The following TSN variants were observed in gnomAD, a reference collection of about 807,000 sequenced individuals.
TSN encodes the protein component 3 of promoter of RISC.
In TSN, 5 loss-of-function variants were observed where a neutral mutation model predicts 29.4. That is an observed-to-expected ratio of 0.17 (90% CI 0.09 to 0.36). TSN has a LOEUF of 0.36. Ranked by LOEUF, TSN falls within the 10% of genes least tolerant of loss-of-function variation. The pLI, the probability that TSN is intolerant of heterozygous loss-of-function variation, is 1.00. For missense variants in TSN, 159 were observed against 272.8 expected (o/e 0.58, Z 2.94); for synonymous variants, 106 against 102.2 (o/e 1.04, Z -0.23).
rs2106456378 is a variant in TSN at position 121,763,066 on chromosome 2, A to G, written c.435A>G (p.Leu145=). ...LDVEDYLSGV[L]ILASELSRLS... Reference sequence around the variant, plus strand: ...TAGAAGATTATCTCTCAGGAGTTCTAATTCTTGCCAGTGAACTGGTAAGCT... The same window carrying G: ...TAGAAGATTATCTCTCAGGAGTTCTGATTCTTGCCAGTGAACTGGTAAGCT... The change falls in exon 5 of 6, where the codon CTA becomes CTG. Residue 145 remains leucine (L), a synonymous_variant. Transcript: ENST00000389682. 3 of 1,609,320 alleles carry G rather than the reference A, an allele frequency of 1.9e-6. No homozygotes were observed. Among genetic ancestry groups the G allele is most frequent in the East Asian group, 2.2e-5 (1 of 44,634 alleles).
intron 4 of TSN, 138 bp downstream of exon 4, chr2:121,761,662 G>C: frequency 1.5e-6 from 1 of 673,394 alleles, no homozygotes; most frequent in South Asian, 1.8e-5. Context: ...TGGTATCTGA[G>C]GATGATGCTT....
At position 121,755,832 on chromosome 2, in the gene TSN, A is replaced by G. The variant is rs1367700900; in HGVS notation, c.53A>G (p.Gln18Arg). The G allele has an allele frequency of 1.9e-6, 3 of 1,613,978 alleles. No homozygotes were observed. The highest frequency in any genetic ancestry group is 2.2e-5 in the East Asian group (1 of 44,890). ...CTGCAGGGCTTTTTGGCTGCCGAGC[A>G]GGACATCCGAGAGGCGAGCCCCCTC... The part of the protein sequence containing the change: ...VELQGFLAAE[Q>R]DIREEIRKVV... Residue 18 changes from glutamine (Q) to arginine (R), a missense_variant, in exon 1 of 6, where the codon CAG (glutamine) becomes CGG (arginine). Around this residue, in one of 3 missense-constraint regions of TSN, gnomAD observed 43 missense variants for 68.6 expected, o/e 0.63. Transcript: ENST00000389682.
In TSN at chr2:121,755,678, G is replaced by C. The variant is rs1001901616; in HGVS notation, c.-102G>C. 6 of 1,482,100 alleles carry C rather than the reference G, an allele frequency of 4.0e-6. No homozygotes were observed. The highest frequency in any genetic ancestry group is 5.6e-6 in the Non-Finnish European group (6 of 1,079,982). 91.8% of individuals were successfully genotyped at this position (1,482,100 alleles called of 1,614,324 possible). On this transcript the variant is annotated 5_prime_UTR_variant, in exon 1 of 6. Transcript: ENST00000389682. ...TCGTGGCGTAAGACCGGGGGGACGC[G>C]GCGGTAGCGGCGGCCGTTGCGATTG... is the stretch of plus-strand genomic sequence containing the variant.
chr2:121,757,234 C>G lies in TSN; in HGVS notation c.67-6C>G. 6.2e-7 allele frequency: 1 copy of G among 1,612,538 alleles called. No homozygotes were observed. The highest frequency in any genetic ancestry group is 1.1e-5 in the South Asian group (1 of 90,838). ...GTATCTGATTTTTATTTTTAATTCTCTCTAGGAAATCAGAAAAGTTGTACA... is the reference window on the plus strand; with the variant it reads ...GTATCTGATTTTTATTTTTAATTCTGTCTAGGAAATCAGAAAAGTTGTACA... On this transcript the variant is annotated splice_polypyrimidine_tract_variant and splice_region_variant and intron_variant, in intron 1 of 5. Transcript: ENST00000389682.
rs1201961747 is a variant in TSN, at chr2:121,761,496, T to G, written c.345T>G (p.Thr115=). 6.2e-7 allele frequency: 1 copy of G among 1,614,154 alleles called. No homozygotes were observed. Among genetic ancestry groups the G allele is most frequent in the African/African-American group, 1.3e-5 (1 of 75,064 alleles). ...VVYLETETLV[T]REAVTEILGI... ...ATTTGGAAACAGAAACACTAGTGAC[T>G]CGAGAAGCAGTTACAGAAATTCTTG... Residue 115 remains threonine, a synonymous_variant, in exon 4 of 6, where the codon ACT becomes ACG. Coordinates refer to ENST00000389682, the MANE Select transcript of TSN (RefSeq NM_004622.3).
chr2:121,763,766 T>A (rs112942551), intron 5 of TSN, among the ~76,000 whole-genome samples: 4,587 of 152,254 alleles, frequency 0.03, 125 homozygotes, highest in African/African-American at 0.065. Flanking sequence ...TCTAGGGAAA[T>A]TGCCCTGTAA....
At chr2:121,764,327 G>A (rs190478361) in intron 5 of TSN, among the ~76,000 whole-genome samples, 197 of 152,184 alleles carry the variant, frequency 1.3e-3, no homozygotes, top group African/African-American at 4.3e-3. Context: ...TGTTGGGGCC[G>A]GGCACAGTCG....
chr2:121,762,829 G>A (rs2074850208), intron 4 of TSN, among the ~76,000 whole-genome samples, 176 bp from the exon 5 acceptor site: 4 of 152,120 alleles, frequency 2.6e-5, no homozygotes, highest in Admixed American at 2.6e-4. Context: ...TTTTGCTTAA[G>A]AACTCAAAAA....
At chr2:121,757,625 G>T in intron 2 of TSN, 1 of 370,922 alleles carries the variant, frequency 2.7e-6, no homozygotes, top group Non-Finnish European at 4.8e-6. Context: ...TATTCTCAGG[G>T]TAAGCGGGAA....
chr2:121,761,825 TA>T (rs1209279648), intron 4 of TSN, among the ~76,000 whole-genome samples: 5 of 139,160 alleles, frequency 3.6e-5, no homozygotes, highest in East Asian at 2.1e-4. Context: ...GCTATGTAAA[TA>T]TTTTTTTTTT....
At position 121,765,388 on chromosome 2, in the gene TSN, C is replaced by A; in HGVS notation, c.*21C>A. On this transcript the variant is annotated 3_prime_UTR_variant, in exon 6 of 6. Transcript: ENST00000389682. The stretch of plus-strand genomic sequence containing the variant: ...AATAGGAGGCTCTCCTTGCTCCTGG[C>A]CTTGCTGACCTCAGCGGTTGCCAGG... The A allele has an allele frequency of 1.9e-6, 3 of 1,611,158 alleles. No individual in the cohort carries two copies. The East Asian group carries it at 6.7e-5, about 36-fold the overall frequency.
In TSN at chr2:121,765,520, CTT is replaced by C. The variant is rs1286130115; in HGVS notation, c.*158_*159del. 5 of 709,672 alleles carry C rather than the reference CTT, an allele frequency of 7.0e-6. No homozygotes were observed. Among genetic ancestry groups the C allele is most frequent in the Non-Finnish European group, 9.2e-6 (4 of 435,716 alleles). The allele number at this position is 709,672 out of a possible 1,614,324, so 44.0% of individuals were successfully genotyped here. The stretch of plus-strand genomic sequence containing the variant: ...TGGTGTGAGTATCAGAATTGAAACA[CTT>C]TTTTGGGGGTAAAAAATATAGCCTT... On this transcript the variant is annotated 3_prime_UTR_variant, in exon 6 of 6. Coordinates refer to ENST00000389682, the MANE Select transcript of TSN (RefSeq NM_004622.3).
chr2:121,757,404 T>C, intron 2 of TSN, 71 bp downstream of exon 2: 1 of 1,603,496 alleles, frequency 6.2e-7, no homozygotes, highest in South Asian at 1.1e-5. Flanking sequence ...AGAAGACATT[T>C]TATAATGAAA....
At position 121,758,749 on chromosome 2, in the gene TSN, C is replaced by A; in HGVS notation, c.200C>A (p.Thr67Lys). The A allele has an allele frequency of 6.3e-7, 1 of 1,587,780 alleles. No individual in the cohort carries two copies. The highest frequency in any genetic ancestry group is 1.8e-5 in the Admixed American group (1 of 55,504). Residue 67 changes from threonine to lysine, a missense_variant, in exon 3 of 6, where the codon ACA (threonine) becomes AAA (lysine). Transcript: ENST00000389682. ...TTGAAAGCTCGAGAACATTTTGGTA[C>A]AGTAAAAACACATCTAACATCTTTG... ...RCLKAREHFG[T>K]VKTHLTSLKT...
chr2:121,758,049 A>G (rs1307684896), intron 2 of TSN, among the ~76,000 whole-genome samples: 1 of 151,948 alleles, frequency 6.6e-6, no homozygotes, highest in East Asian at 1.9e-4. Flanking sequence ...GTATGTGTGT[A>G]TATGCACCTG....
chr2:121,757,360 A>G (rs1418972563), intron 2 of TSN, 27 bp downstream of exon 2: 1 of 1,613,696 alleles, frequency 6.2e-7, no homozygotes, highest in South Asian at 1.1e-5. Flanking sequence ...GTATCCAATT[A>G]TCAGTCTCTT....
chr2:121,757,399 A>G (rs1573386853), intron 2 of TSN, 66 bp downstream of exon 2: 1 of 1,605,830 alleles, frequency 6.2e-7, no homozygotes, highest in Non-Finnish European at 8.5e-7. Context: ...TATCCAGAAG[A>G]CATTTTATAA....
At chr2:121,764,131 A>T (rs1409962421) in intron 5 of TSN, among the ~76,000 whole-genome samples, 1 of 152,144 alleles carries the variant, frequency 6.6e-6, no homozygotes, top group Non-Finnish European at 1.5e-5. Flanking sequence ...GCCTGCAGGG[A>T]GGCAGAAATG....
chr2:121,756,085 CT>C, intron 1 of TSN: 1 of 808,820 alleles, frequency 1.2e-6, no homozygotes, highest in Middle Eastern at 3.9e-4. Flanking sequence ...GTCAGTTTTC[CT>C]TCTTTTCAGC....
Sources: allele counts gnomAD v4.1 joint callset (sites outside exome capture counted in the v4.1 genomes callset), GRCh38; gene constraint gnomAD v4.1.1; regional missense constraint gnomAD v4.1.1; transcripts MANE v1.5; gene names NCBI Gene and HGNC (gene_info 2026-07-23, HGNC 2026-07-21).